Variants in ZMAT1 observed in about 807,000 individuals in gnomAD.
The protein encoded by ZMAT1 is zinc finger matrin-type 1.
ZMAT1 carries 11 observed loss-of-function variants against 18.5 expected under a neutral mutation model. That is an observed-to-expected ratio of 0.59 (90% CI 0.37 to 0.98). The LOEUF (loss-of-function observed/expected upper bound fraction) is 0.98. ZMAT1 is among the 50% of genes least tolerant of loss of function. ZMAT1 has a pLI of 0.01. For synonymous variants in ZMAT1, 211 were observed against 176.4 expected, an observed-to-expected ratio of 1.20 and a Z score of -1.55; for missense variants, 525 against 496.2, an observed-to-expected ratio of 1.06 and a Z score of -0.55.
chrX:101,886,100 T>C (rs1280598600), intron 5 of ZMAT1, among the ~76,000 whole-genome samples: 1 of 112,324 alleles, frequency 8.9e-6, no homozygotes, highest in Non-Finnish European at 1.9e-5. Flanking sequence ...ATGGACTAAA[T>C]ATTTATTGAA....
At chrX:101,925,946 C>T (rs1930029285) in intron 1 of ZMAT1, among the ~76,000 whole-genome samples, 2 of 112,246 alleles carry the variant, frequency 1.8e-5, no homozygotes, top group Admixed American at 9.4e-5. Flanking sequence ...CTCCAGACAA[C>T]GTCAAATATC....
chrX:101,903,598 C>T (rs1324985964), intron 2 of ZMAT1, among the ~76,000 whole-genome samples: 3 of 111,028 alleles, frequency 2.7e-5, no homozygotes, highest in African/African-American at 9.8e-5. Flanking sequence ...AATGTAGAAA[C>T]ATGAAGCAAC....
In ZMAT1 at chrX:101,883,466, GTTT is replaced by G. The variant is rs370996061; in HGVS notation, c.*41_*43del. ...TCCTTTTTCTAAATCCATATTGACT[GTTT>G]TTTTTTTTCAATTCAACCTTGGGTA... is the stretch of plus-strand genomic sequence containing the variant. On this transcript the variant is annotated 3_prime_UTR_variant, in exon 6 of 6. Transcript: ENST00000651725. 5 of 834,704 alleles carry G rather than the reference GTTT, an allele frequency of 6.0e-6. No individual in the cohort carries two copies. In the East Asian group the frequency reaches 1.2e-4, roughly 20 times the overall value. The allele number at this position is 834,704 out of a possible 1,213,427, so 68.8% of individuals were successfully genotyped here.
At chrX:101,920,227 C>T (rs775647728) in intron 1 of ZMAT1, among the ~76,000 whole-genome samples, 43 of 109,556 alleles carry the variant, frequency 3.9e-4, no homozygotes, top group Non-Finnish European at 7.4e-4. Context: ...TTTGTAGAGA[C>T]GGGGTTTCAC....
intron 2 of ZMAT1, among the ~76,000 whole-genome samples, chrX:101,899,473 C>G (rs920980058): frequency 6.3e-5 from 7 of 111,302 alleles, no homozygotes; most frequent in East Asian, 2.8e-4. Flanking sequence ...ACTCTTCCCC[C>G]CAAGTCCCCA....
chrX:101,931,438 T>C lies in ZMAT1; in HGVS notation c.292+279A>G, dbSNP rs966223554. The C allele has an allele frequency of 1.3e-5, 10 of 751,831 alleles. No individual in the cohort carries two copies. The Admixed American group carries it at 2.6e-4, about 20-fold the overall frequency. The allele number at this position is 751,831 out of a possible 1,213,427, so 62.0% of individuals were successfully genotyped here. A position where few individuals can be genotyped will look rare whatever the true frequency, so the allele number is the denominator to read the frequency against. On this transcript the variant is annotated intron_variant, in intron 1 of 5. Coordinates refer to ENST00000651725, the MANE Select transcript of ZMAT1 (RefSeq NM_001394560.1). ...AGAGAAATTATGTGGTATTTTTTTT[T>C]CCCTTCAAACTCCTGCCTCATGAGT...
At chrX:101,914,749 T>C (rs901839166) in intron 1 of ZMAT1, among the ~76,000 whole-genome samples, 6 of 111,054 alleles carry the variant, frequency 5.4e-5, no homozygotes, top group Admixed American at 2.9e-4. Context: ...AATTGCTAAA[T>C]TCTAGTAAAC....
chrX:101,884,941 T>A, intron 5 of ZMAT1, 120 bp from the exon 6 acceptor site: 1 of 442,544 alleles, frequency 2.3e-6, no homozygotes, highest in Non-Finnish European at 3.6e-6. Flanking sequence ...AAACAGATTT[T>A]AAAAACCTAC....
At chrX:101,889,127 T>C (rs780975744) in intron 4 of ZMAT1, 14 of 111,671 alleles carry the variant, frequency 1.3e-4, no homozygotes, top group African/African-American at 2.9e-4. Flanking sequence ...ATGTTCTTTA[T>C]CTTTTTCTAG....
In ZMAT1 at chrX:101,895,994, T is replaced by C. The variant is rs7882205; in HGVS notation, c.676+1874A>G. 1.3e-3 allele frequency: 346 copies of C among 269,634 alleles called. 3 individuals are homozygous for C. The highest frequency in any genetic ancestry group is 0.01 in the African/African-American group (337 of 33,687). The allele number at this position is 269,634 out of a possible 1,213,427, so 22.2% of individuals were successfully genotyped here. On this transcript the variant is annotated intron_variant, in intron 4 of 5. Coordinates refer to ENST00000651725, the MANE Select transcript of ZMAT1 (RefSeq NM_001394560.1). ...CTCTAAAAACCCACTCCCTGGACTT[T>C]TTTTTTCAACAGACAGCTGCTGGAT...
chrX:101,910,014 A>AGTG (rs1928854258), intron 1 of ZMAT1, among the ~76,000 whole-genome samples: 2 of 112,680 alleles, frequency 1.8e-5, no homozygotes, highest in Admixed American at 1.9e-4. Flanking sequence ...GCATAGTCAC[A>AGTG]GTGGTGGTGG....
At chrX:101,903,838 T>A (rs1322656726) in intron 2 of ZMAT1, among the ~76,000 whole-genome samples, 1 of 111,926 alleles carries the variant, frequency 8.9e-6, no homozygotes, top group Non-Finnish European at 1.9e-5. Flanking sequence ...TTCGTTTTGT[T>A]TTTATAGTCT....
chrX:101,929,419 GAGATT>G (rs1279208798), intron 1 of ZMAT1, among the ~76,000 whole-genome samples: 2 of 85,473 alleles, frequency 2.3e-5, no homozygotes, highest in African/African-American at 9.2e-5. Context: ...TATATAGAGA[GAGATT>G]ATATATATAT....
chrX:101,884,929 CCAAA>C (rs779426937), intron 5 of ZMAT1, 108 bp from the exon 6 acceptor site: 55 of 480,104 alleles, frequency 1.1e-4, no homozygotes, highest in East Asian at 4.7e-4. Flanking sequence ...ATTTAAAAAC[CCAAA>C]CAGATTTTAA....
chrX:101,909,851 C>T (rs965767841), intron 1 of ZMAT1, among the ~76,000 whole-genome samples: 1 of 112,412 alleles, frequency 8.9e-6, no homozygotes, highest in South Asian at 3.7e-4. Flanking sequence ...GGGGACCTCG[C>T]CACCCTGAAA....
intron 4 of ZMAT1, chrX:101,892,641 T>A: frequency 1.9e-6 from 1 of 537,326 alleles, no homozygotes; most frequent in South Asian, 9.6e-5. Flanking sequence ...CTGAGTGCAA[T>A]AATGGGGCCA....
chrX:101,931,104 T>G lies in ZMAT1; in HGVS notation c.292+613A>C, dbSNP rs1053485828. Among the ~76,000 whole-genome samples the G allele has an allele frequency of 2.7e-5, 3 of 111,782 alleles. No homozygotes were observed. The Admixed American group carries it at 2.8e-4, about 11-fold the overall frequency. ...CTAGTAGAGTCCCCTCCACCAGACC[T>G]TACCTTCCTAAAATCCGACAGATCC... On this transcript the variant is annotated intron_variant, in intron 1 of 5. Coordinates refer to ENST00000651725, the MANE Select transcript of ZMAT1 (RefSeq NM_001394560.1).
At chrX:101,895,549 C>T (rs1927736593) in intron 4 of ZMAT1, among the ~76,000 whole-genome samples, 1 of 111,510 alleles carries the variant, frequency 9.0e-6, no homozygotes, top group East Asian at 2.8e-4. Context: ...TTTTATAAAA[C>T]ACAAACTTCC....
At chrX:101,898,090 G>C in intron 3 of ZMAT1, 29 bp downstream of exon 3, 1 of 1,206,162 alleles carries the variant, frequency 8.3e-7, no homozygotes, top group Non-Finnish European at 1.1e-6. Flanking sequence ...CTCAAAGTTT[G>C]GATTACAATA....
Sources: allele counts gnomAD v4.1 joint callset (sites outside exome capture counted in the v4.1 genomes callset), GRCh38; gene constraint gnomAD v4.1.1; transcripts MANE v1.5; gene names NCBI Gene and HGNC (gene_info 2026-07-23, HGNC 2026-07-21).